The following SH3BGRL variants were observed in gnomAD, a reference collection of about 807,000 sequenced individuals.
SH3BGRL encodes SH3 domain binding glutamate rich protein like.
SH3BGRL carries 7 observed loss-of-function variants against 9.8 expected under a neutral mutation model. The observed-to-expected ratio is 0.72, with a 90% CI of 0.41 to 1.35. The LOEUF (loss-of-function observed/expected upper bound fraction) is 1.35, where lower values mean the gene tolerates loss of function less well. SH3BGRL is among the 40% of genes most tolerant of loss of function. The pLI is 0.01. For synonymous variants in SH3BGRL, 36 were observed against 29.1 expected, an observed-to-expected ratio of 1.24 and a Z score of -0.76; for missense variants, 73 against 84.4, an observed-to-expected ratio of 0.86 and a Z score of 0.53.
intron 3 of SH3BGRL, among the ~76,000 whole-genome samples, chrX:81,296,498 A>G (rs1359218591): frequency 9.0e-6 from 1 of 111,395 alleles, no homozygotes; most frequent in Non-Finnish European, 1.9e-5. Flanking sequence ...ACTGGGACTC[A>G]TTTGGACAGT....
intron 1 of SH3BGRL, among the ~76,000 whole-genome samples, chrX:81,244,945 A>T (rs1193560095): frequency 8.9e-6 from 1 of 111,946 alleles, no homozygotes; most frequent in African/African-American, 3.2e-5. Context: ...GTCAGATGCT[A>T]GCAGAGCATT....
intron 1 of SH3BGRL, among the ~76,000 whole-genome samples, chrX:81,216,716 C>T (rs1354482772): frequency 1.8e-5 from 2 of 111,387 alleles, no homozygotes; most frequent in Non-Finnish European, 3.8e-5. Flanking sequence ...GTGCCTGGCT[C>T]ATTTCACTTA....
At chrX:81,263,822 TTTC>T (rs766517540) in intron 1 of SH3BGRL, among the ~76,000 whole-genome samples, 131 of 111,448 alleles carry the variant, frequency 1.2e-3, no homozygotes, top group African/African-American at 4.2e-3. Flanking sequence ...GCCTTTGCAC[TTTC>T]TTGTCTGTTT....
chrX:81,258,582 G>T (rs772243692), intron 1 of SH3BGRL, among the ~76,000 whole-genome samples: 32 of 112,368 alleles, frequency 2.8e-4, no homozygotes, highest in African/African-American at 1.0e-3. Flanking sequence ...ATCTTAACCT[G>T]TCCTAAATCA....
chrX:81,205,080 CA>C (rs1296444348), intron 1 of SH3BGRL, among the ~76,000 whole-genome samples: 1 of 111,904 alleles, frequency 8.9e-6, no homozygotes, highest in Non-Finnish European at 1.9e-5. Flanking sequence ...GGGAACATTC[CA>C]AACATTCTAG....
intron 1 of SH3BGRL, among the ~76,000 whole-genome samples, chrX:81,208,388 A>G (rs2075553842): frequency 8.9e-6 from 1 of 112,732 alleles, no homozygotes; most frequent in African/African-American, 3.2e-5. Flanking sequence ...GCCTAGGGAA[A>G]AAATAAATAA....
chrX:81,206,146 A>G (rs1185006950), intron 1 of SH3BGRL, among the ~76,000 whole-genome samples: 1 of 111,148 alleles, frequency 9.0e-6, no homozygotes, highest in Non-Finnish European at 1.9e-5. Flanking sequence ...GTTGGAAAAT[A>G]TTTCCTCCCA....
intron 3 of SH3BGRL, among the ~76,000 whole-genome samples, chrX:81,290,521 A>T (rs1029650104): frequency 4.5e-5 from 5 of 111,062 alleles, no homozygotes; most frequent in African/African-American, 1.6e-4. Context: ...GGGATCTAAA[A>T]ATCAAGCAAT....
At chrX:81,277,853 T>C (rs2075803227) in intron 2 of SH3BGRL, among the ~76,000 whole-genome samples, 1 of 112,208 alleles carries the variant, frequency 8.9e-6, no homozygotes, top group African/African-American at 3.2e-5. Context: ...CCAGAAGCCT[T>C]GCCTCTTTAT....
intron 1 of SH3BGRL, among the ~76,000 whole-genome samples, chrX:81,223,896 G>C (rs1463334533): frequency 1.8e-5 from 2 of 110,682 alleles, no homozygotes; most frequent in Non-Finnish European, 3.8e-5. Context: ...ATGTTGCCCA[G>C]GCTGGTCTTG....
chrX:81,224,626 T>C (rs2075611008), intron 1 of SH3BGRL, among the ~76,000 whole-genome samples: 1 of 111,589 alleles, frequency 9.0e-6, no homozygotes, highest in African/African-American at 3.3e-5. Flanking sequence ...CAAGAATAGA[T>C]ACTAGAAGGC....
intron 3 of SH3BGRL, among the ~76,000 whole-genome samples, chrX:81,287,030 A>G (rs925535773): frequency 9.8e-5 from 11 of 111,885 alleles, no homozygotes; most frequent in Non-Finnish European, 1.1e-4. Context: ...CCCATTAAAA[A>G]TGATAACTTA....
At chrX:81,250,614 G>A (rs1476975681) in intron 1 of SH3BGRL, among the ~76,000 whole-genome samples, 3 of 111,493 alleles carry the variant, frequency 2.7e-5, no homozygotes, top group African/African-American at 9.8e-5. Flanking sequence ...TTGATATACA[G>A]TAGCCTGATT....
intron 1 of SH3BGRL, among the ~76,000 whole-genome samples, chrX:81,227,105 A>G (rs1353901587): frequency 3.6e-5 from 4 of 112,278 alleles, no homozygotes; most frequent in Non-Finnish European, 7.5e-5. Flanking sequence ...CAAGATTGTC[A>G]TAAGAATTGT....
rs2075530572 is a variant in SH3BGRL at position 81,202,306 on chromosome X, A to G, written c.45+61A>G. 3.4e-5 allele frequency: 37 copies of G among 1,088,049 alleles called. No individual in the cohort carries two copies. The South Asian group carries it at 8.4e-4, about 25-fold the overall frequency. 89.7% of individuals were successfully genotyped at this position (1,088,049 alleles called of 1,213,427 possible). A position where few individuals can be genotyped will look rare whatever the true frequency, so the allele number is the denominator to read the frequency against. ...CTACACACCAGTCCTCTGCTGCCCC[A>G]GAACCATTAAAATGCAGAAGTTCCT... is the stretch of plus-strand genomic sequence containing the variant. On this transcript the variant is annotated intron_variant, in intron 1 of 3. Coordinates refer to ENST00000373212, the MANE Select transcript of SH3BGRL (RefSeq NM_003022.3).
intron 1 of SH3BGRL, among the ~76,000 whole-genome samples, chrX:81,205,555 G>A (rs985326249): frequency 8.0e-5 from 8 of 100,285 alleles, no homozygotes; most frequent in African/African-American, 1.5e-4. Flanking sequence ...TTCATTCACC[G>A]TTGATGGACA....
intron 1 of SH3BGRL, among the ~76,000 whole-genome samples, chrX:81,226,643 G>A (rs2075618237): frequency 9.6e-6 from 1 of 103,627 alleles, no homozygotes; most frequent in Non-Finnish European, 2.0e-5. Flanking sequence ...TTATATTTAA[G>A]GTGGGCCCTA....
intron 1 of SH3BGRL, among the ~76,000 whole-genome samples, chrX:81,247,765 T>C (rs2075693962): frequency 9.0e-6 from 1 of 110,666 alleles, no homozygotes; most frequent in Admixed American, 9.7e-5. Flanking sequence ...GTCCTGCAGT[T>C]TTCTTTTTTT....
At chrX:81,293,718 C>A (rs902906689) in intron 3 of SH3BGRL, among the ~76,000 whole-genome samples, 2 of 111,657 alleles carry the variant, frequency 1.8e-5, no homozygotes, top group African/African-American at 6.5e-5. Flanking sequence ...AACTGGGTAA[C>A]AGGCAGAGGT....
Sources: allele counts gnomAD v4.1 joint callset (sites outside exome capture counted in the v4.1 genomes callset), GRCh38; gene constraint gnomAD v4.1.1; transcripts MANE v1.5; gene names NCBI Gene and HGNC (gene_info 2026-07-23, HGNC 2026-07-21).